DOCK1: variants seen among roughly 807,000 people sequenced by gnomAD.
DOCK1 encodes dedicator of cytokinesis protein 1.
In DOCK1, 138 loss-of-function variants were observed where a neutral mutation model predicts 262.7. The ratio of observed to expected loss-of-function variants is 0.53; its 90% CI spans 0.46 to 0.61. The LOEUF is 0.61. Ranked by LOEUF, DOCK1 falls within the 20% of genes least tolerant of loss-of-function variation. The probability of loss-of-function intolerance (pLI) is 0.00; values close to 1 mark genes in which losing one functional copy is unlikely to be tolerated. For missense variants in DOCK1, 1,908 were observed against 2,370.7 expected (o/e 0.80, Z 4.05); for synonymous variants, 866 against 867.4 (o/e 1.00, Z 0.03).
chr10:127,213,392 A>G (rs1327235269), intron 27 of DOCK1, among the ~76,000 whole-genome samples: 1 of 152,204 alleles, frequency 6.6e-6, no homozygotes, highest in South Asian at 2.1e-4. Flanking sequence ...GGTCTGATTT[A>G]TTCTTCATAA....
chr10:127,018,055 A>C (rs1053135077), intron 12 of DOCK1, among the ~76,000 whole-genome samples: 47 of 152,140 alleles, frequency 3.1e-4, no homozygotes, highest in African/African-American at 1.1e-3. Context: ...CTAGGTTTAG[A>C]GGCTTTGAAA....
intron 23 of DOCK1, among the ~76,000 whole-genome samples, chr10:127,092,251 A>G (rs76339604): frequency 6.6e-6 from 1 of 152,162 alleles, no homozygotes; most frequent in African/African-American, 2.4e-5. Flanking sequence ...ACAGAGGAGG[A>G]TGAGCTGGAT....
intron 18 of DOCK1, among the ~76,000 whole-genome samples, chr10:127,034,632 C>G (rs1032255196): frequency 6.6e-6 from 1 of 152,154 alleles, no homozygotes; most frequent in African/African-American, 2.4e-5. Context: ...CCTAATTTAA[C>G]CCAAAGGTGA....
At chr10:127,297,170 G>A (rs2135406570) in intron 29 of DOCK1, among the ~76,000 whole-genome samples, 1 of 152,300 alleles carries the variant, frequency 6.6e-6, no homozygotes, top group East Asian at 1.9e-4. Context: ...AGAAATGTGG[G>A]TGGACACCAT....
intron 33 of DOCK1, among the ~76,000 whole-genome samples, chr10:127,364,347 C>T (rs2064772887): frequency 6.6e-6 from 1 of 152,136 alleles, no homozygotes; most frequent in Non-Finnish European, 1.5e-5. Flanking sequence ...TTGCACTTTG[C>T]TCCACTAGGC....
intron 16 of DOCK1, among the ~76,000 whole-genome samples, chr10:127,029,059 C>T (rs2043067961): frequency 6.6e-6 from 1 of 152,240 alleles, no homozygotes; most frequent in African/African-American, 2.4e-5. Flanking sequence ...GCTCCTGTAG[C>T]ATTTTAATTT....
intron 27 of DOCK1, among the ~76,000 whole-genome samples, chr10:127,139,805 C>T (rs1344880863): frequency 6.6e-6 from 1 of 152,160 alleles, no homozygotes; most frequent in African/African-American, 2.4e-5. Flanking sequence ...TGGTGACAAT[C>T]TCTCCCCACT....
At chr10:127,294,810 T>A (rs1003317552) in intron 29 of DOCK1, among the ~76,000 whole-genome samples, 1 of 151,928 alleles carries the variant, frequency 6.6e-6, no homozygotes, top group African/African-American at 2.4e-5. Flanking sequence ...CCAGCTAATT[T>A]TTGTATTTTT....
intron 27 of DOCK1, among the ~76,000 whole-genome samples, chr10:127,212,564 C>T (rs1410882580): frequency 6.6e-6 from 1 of 152,108 alleles, no homozygotes; most frequent in African/African-American, 2.4e-5. Context: ...TTAGCTCCCT[C>T]TGTGCTTTCA....
rs537142778 is a variant in DOCK1 at position 127,406,302 on chromosome 10, C to T, written c.4122+1873C>T. ...GGTGCGGAGGACACGTTGCAGCTCC[C>T]GAGCCAATAGATGCCAGGTTGTGCC... On this transcript the variant is annotated intron_variant, in intron 40 of 51. Transcript: ENST00000623213. Among the ~76,000 whole-genome samples the T allele has an allele frequency of 4.9e-4, 74 of 152,200 alleles. 1 individual carries two copies. The highest frequency in any genetic ancestry group is 8.3e-4 in the South Asian group (4 of 4,814).
At chr10:127,163,529 T>G (rs898226722) in intron 27 of DOCK1, among the ~76,000 whole-genome samples, 2 of 152,070 alleles carry the variant, frequency 1.3e-5, no homozygotes, top group Non-Finnish European at 2.9e-5. Flanking sequence ...CTTGAGTGAA[T>G]GAATGAATGA....
chr10:127,367,558 A>T (rs1397112775), intron 33 of DOCK1, among the ~76,000 whole-genome samples: 1 of 152,094 alleles, frequency 6.6e-6, no homozygotes, highest in East Asian at 1.9e-4. Flanking sequence ...AAGGTCCCTG[A>T]TGCTAGTGGA....
Position 127,042,754 on chromosome 10 carries a change from C to T in DOCK1, c.2100+40C>T, listed in dbSNP as rs751035863. The T allele has an allele frequency of 1.5e-5, 24 of 1,592,966 alleles. 1 individual carries two copies. The highest frequency in any genetic ancestry group is 1.8e-5 in the Non-Finnish European group (21 of 1,161,440). On this transcript the variant is annotated intron_variant, in intron 20 of 51. Coordinates refer to ENST00000623213, the MANE Select transcript of DOCK1 (RefSeq NM_001290223.2). ...CTTCTCATATGCTTGGATAACACAG[C>T]GTTCTTCCATGCTGCAGCGTCTGAG...
chr10:127,009,326 C>G (rs1322417589), intron 11 of DOCK1, among the ~76,000 whole-genome samples: 1 of 151,928 alleles, frequency 6.6e-6, no homozygotes, highest in Admixed American at 6.6e-5. Context: ...CTAGTTCTGA[C>G]CTGAAGTCTT....
chr10:127,122,403 G>A (rs1246304126), intron 25 of DOCK1, among the ~76,000 whole-genome samples: 2 of 152,130 alleles, frequency 1.3e-5, no homozygotes, highest in African/African-American at 4.8e-5. Context: ...TTCTGTTTTG[G>A]GGTCGGGGTG....
intron 27 of DOCK1, among the ~76,000 whole-genome samples, chr10:127,213,499 G>C (rs1371844228): frequency 6.6e-6 from 1 of 152,198 alleles, no homozygotes; most frequent in East Asian, 1.9e-4. Flanking sequence ...ATAGTGATAA[G>C]TTCTCTTTAA....
intron 31 of DOCK1, among the ~76,000 whole-genome samples, chr10:127,351,947 A>C (rs948921468): frequency 2.6e-5 from 4 of 151,842 alleles, no homozygotes; most frequent in Non-Finnish European, 5.9e-5. Flanking sequence ...CTATTTGACA[A>C]TTAAAACCGC....
At chr10:127,028,070 G>A (rs1409445148) in intron 16 of DOCK1, among the ~76,000 whole-genome samples, 1 of 151,612 alleles carries the variant, frequency 6.6e-6, no homozygotes, top group Non-Finnish European at 1.5e-5. Flanking sequence ...GGGGGAGTGC[G>A]GGGGGTGGGT....
chr10:126,990,585 A>G lies in DOCK1; in HGVS notation c.455A>G (p.Lys152Arg), dbSNP rs746572428. ...LKELKKKVTA[K>R]IDYGNRILDL... ...GAACTGAAGAAGAAGGTCACAGCCA[A>G]AATTGATTATGGAAACAGGTTTGTT... The change falls in exon 6 of 52, where the codon AAA becomes AGA. Residue 152 changes from lysine (K) to arginine (R), a missense_variant. Transcript: ENST00000623213. 2 of 1,613,588 alleles carry G rather than the reference A, an allele frequency of 1.2e-6. No individual in the cohort carries two copies. Among genetic ancestry groups the G allele is most frequent in the South Asian group, 1.1e-5 (1 of 90,874 alleles).
Sources: allele counts gnomAD v4.1 joint callset (sites outside exome capture counted in the v4.1 genomes callset), GRCh38; gene constraint gnomAD v4.1.1; transcripts MANE v1.5; gene names NCBI Gene and HGNC (gene_info 2026-07-23, HGNC 2026-07-21).